The following LRATD1 variants were observed in gnomAD, a reference collection of about 807,000 sequenced individuals.
LRATD1 encodes protein LRATD1.
A neutral mutation model predicts 21.3 loss-of-function variants in LRATD1; 8 were observed. The ratio of observed to expected loss-of-function variants is 0.38; its 90% CI spans 0.22 to 0.68. The LOEUF is 0.68. LRATD1 is among the 30% of genes least tolerant of loss of function. The pLI is 0.54. For missense variants in LRATD1, 380 were observed against 404.0 expected, an observed-to-expected ratio of 0.94 and a Z score of 0.51; for synonymous variants, 210 against 186.2, an observed-to-expected ratio of 1.13 and a Z score of -1.04.
chr2:14,642,525 C>T (rs1254527328), downstream of LRATD1, among the ~76,000 whole-genome samples: 1 of 152,024 alleles, frequency 6.6e-6, no homozygotes, highest in Non-Finnish European at 1.5e-5. Flanking sequence ...GTAGACTGCC[C>T]GAGATGTTCA....
rs1671607756 is a variant in LRATD1, at chr2:14,633,807, T to C, written c.-36-137T>C. ...GTACCCCTGGGGAGGCACGGAGGACTCGGCTGGAAAGGGTGACTCCGGTGA... is the reference window on the plus strand; with the variant it reads ...GTACCCCTGGGGAGGCACGGAGGACCCGGCTGGAAAGGGTGACTCCGGTGA... On this transcript the variant is annotated intron_variant, in intron 1 of 1. Coordinates refer to ENST00000295092, the MANE Select transcript of LRATD1 (RefSeq NM_145175.4). The surrounding 1 kb of genome is among the most constrained non-coding windows in gnomAD (Gnocchi z 7.5). The C allele has an allele frequency of 4.0e-5, 35 of 868,286 alleles. No homozygotes were observed. The highest frequency in any genetic ancestry group is 6.1e-5 in the Non-Finnish European group (35 of 574,450). 53.8% of individuals were successfully genotyped at this position (868,286 alleles called of 1,614,324 possible). A position where few individuals can be genotyped will look rare whatever the true frequency, so the allele number is the denominator to read the frequency against.
chr2:14,633,828 G>A lies in LRATD1; in HGVS notation c.-36-116G>A, dbSNP rs1168856791. 2.1e-5 allele frequency: 22 copies of A among 1,048,998 alleles called. No individual in the cohort carries two copies. Among genetic ancestry groups the A allele is most frequent in the Non-Finnish European group, 2.7e-5 (20 of 733,922 alleles). The allele number at this position is 1,048,998 out of a possible 1,614,324, so 65.0% of individuals were successfully genotyped here. On this transcript the variant is annotated intron_variant, in intron 1 of 1. Transcript: ENST00000295092. This position sits in a 1 kb window ranked among gnomAD's most constrained non-coding sequence, Gnocchi z 7.5. Reference sequence around the variant, plus strand: ...GGACTCGGCTGGAAAGGGTGACTCCGGTGAGGGCACGTAAGCTAGCCGGCA... The same window carrying A: ...GGACTCGGCTGGAAAGGGTGACTCCAGTGAGGGCACGTAAGCTAGCCGGCA...
chr2:14,643,835 A>G (rs1338098958), downstream of LRATD1, among the ~76,000 whole-genome samples: 3 of 152,176 alleles, frequency 2.0e-5, no homozygotes. Context: ...AACTATGTCA[A>G]ACATAGTCTG....
chr2:14,645,606 A>G (rs1374828201), intron 2 of LRATD1, among the ~76,000 whole-genome samples: 1 of 152,196 alleles, frequency 6.6e-6, no homozygotes. Context: ...ATAGGATTAC[A>G]TCTGGAATTT....
downstream of LRATD1, among the ~76,000 whole-genome samples, chr2:14,640,245 T>C (rs1336194972): frequency 6.6e-6 from 1 of 152,236 alleles, no homozygotes; most frequent in Non-Finnish European, 1.5e-5. Flanking sequence ...ATAGATTTAC[T>C]AGATGTACAC....
chr2:14,648,703 C>T (rs767259084), intron 4 of LRATD1, among the ~76,000 whole-genome samples: 19 of 152,094 alleles, frequency 1.2e-4, no homozygotes, highest in Non-Finnish European at 2.6e-4. Context: ...AAAGAGTCTC[C>T]GGGATCCCAC....
At chr2:14,645,081 A>G (rs1194832085) in intron 2 of LRATD1, among the ~76,000 whole-genome samples, 1 of 152,184 alleles carries the variant, frequency 6.6e-6, no homozygotes, top group Non-Finnish European at 1.5e-5. Context: ...GTTAACTTTG[A>G]CAGTATTCTT....
At chr2:14,649,522 C>G (rs958063537) in intron 5 of LRATD1, 1 of 376,718 alleles carries the variant, frequency 2.7e-6, no homozygotes, top group African/African-American at 2.1e-5. Context: ...CCCACCCAAG[C>G]TTTCTCTTGC....
downstream of LRATD1, chr2:14,650,760 T>G (rs989524642): frequency 6.6e-6 from 1 of 152,210 alleles, no homozygotes; most frequent in African/African-American, 2.4e-5. Context: ...AATATTTGCA[T>G]TGTTTACATT....
chr2:14,646,707 A>G (rs1005197267), intron 4 of LRATD1, among the ~76,000 whole-genome samples: 11 of 152,184 alleles, frequency 7.2e-5, no homozygotes, highest in South Asian at 4.1e-4. Context: ...GCCAGGCCTA[A>G]CAGCAGGGTA....
downstream of LRATD1, among the ~76,000 whole-genome samples, chr2:14,641,090 A>G (rs1357226118): frequency 6.6e-6 from 1 of 152,194 alleles, no homozygotes; most frequent in Non-Finnish European, 1.5e-5. Context: ...GTGCATGTCC[A>G]GTATATTATC....
In LRATD1 at chr2:14,639,377, G is replaced by C. The variant is rs911462879; in HGVS notation, c.*4519G>C. ...TTAGGAAGTAACTGAAAAATAAGAA[G>C]CAAGATAAAGTGGGGAGGCTATGAG... On this transcript the variant is annotated 3_prime_UTR_variant, in exon 2 of 2. Transcript: ENST00000295092. 6.0e-6 allele frequency: 1 copy of C among 166,872 alleles called. No homozygotes were observed. Among genetic ancestry groups the C allele is most frequent in the Non-Finnish European group, 1.5e-5 (1 of 68,080 alleles). The allele number at this position is 166,872 out of a possible 1,614,324, so 10.3% of individuals were successfully genotyped here. A position where few individuals can be genotyped will look rare whatever the true frequency, so the allele number is the denominator to read the frequency against.
downstream of LRATD1, chr2:14,650,147 A>C (rs1671980600): frequency 6.6e-6 from 1 of 152,212 alleles, no homozygotes; most frequent in Admixed American, 6.5e-5. Context: ...AGTTGTCTGA[A>C]CCAGTTTCTT....
Position 14,634,350 on chromosome 2 carries a change from A to C in LRATD1, c.371A>C (p.Asp124Ala). The change falls in exon 2 of 2, where the codon GAC becomes GCC. Residue 124 changes from aspartate to alanine, a missense_variant. By Grantham distance (126) the Asp-to-Ala change is moderately radical. Coordinates refer to ENST00000295092, the MANE Select transcript of LRATD1 (RefSeq NM_145175.4). ...TALPALCEPG[D>A]LLELLWLQPA... ...CTGCCAGCGCTCTGCGAACCCGGCG[A>C]CCTGCTGGAGCTGCTGTGGCTGCAG... 6.3e-7 allele frequency: 1 copy of C among 1,582,574 alleles called. No homozygotes were observed. Among genetic ancestry groups the C allele is most frequent in the Non-Finnish European group, 8.6e-7 (1 of 1,167,476 alleles).
Position 14,635,373 on chromosome 2 carries a change from G to T in LRATD1, c.*515G>T, listed in dbSNP as rs1260756647. 1 of 473,678 alleles carries T rather than the reference G, an allele frequency of 2.1e-6. No homozygotes were observed. The highest frequency in any genetic ancestry group is 1.5e-5 in the South Asian group (1 of 64,596). The allele number at this position is 473,678 out of a possible 1,614,324, so 29.3% of individuals were successfully genotyped here. On this transcript the variant is annotated 3_prime_UTR_variant, in exon 2 of 2. Transcript: ENST00000295092. Reference sequence around the variant, plus strand: ...GATCGCAGGATTTCCAAGAAATCGAGCCTGTCCCTTGTGCACTTGGGAATA... The same window carrying T: ...GATCGCAGGATTTCCAAGAAATCGATCCTGTCCCTTGTGCACTTGGGAATA...
At position 14,635,553 on chromosome 2, in the gene LRATD1, C is replaced by A; in HGVS notation, c.*695C>A. The A allele has an allele frequency of 2.1e-6, 1 of 471,096 alleles. No individual in the cohort carries two copies. The highest frequency in any genetic ancestry group is 1.5e-5 in the South Asian group (1 of 64,570). The allele number at this position is 471,096 out of a possible 1,614,324, so 29.2% of individuals were successfully genotyped here. A position where few individuals can be genotyped will look rare whatever the true frequency, so the allele number is the denominator to read the frequency against. On this transcript the variant is annotated 3_prime_UTR_variant, in exon 2 of 2. Coordinates refer to ENST00000295092, the MANE Select transcript of LRATD1 (RefSeq NM_145175.4). ...GGTTCTTTCCACCGTGGGAAGCGAACGCCACCCCCACCCGCCTTTGCCTGC... is the reference window on the plus strand; with the variant it reads ...GGTTCTTTCCACCGTGGGAAGCGAAAGCCACCCCCACCCGCCTTTGCCTGC...
chr2:14,649,879 C>G (rs1671972831), downstream of LRATD1: 1 of 154,150 alleles, frequency 6.5e-6, no homozygotes, highest in Admixed American at 6.4e-5. Flanking sequence ...AAAGCCCTCA[C>G]AAATGGGATT....
At position 14,636,060 on chromosome 2, in the gene LRATD1, G is replaced by A. The variant is rs1387987182; in HGVS notation, c.*1202G>A. On this transcript the variant is annotated 3_prime_UTR_variant, in exon 2 of 2. Transcript: ENST00000295092. Reference sequence around the variant, plus strand: ...ATTTTCATGGCTTTAATCCATGATAGTTTAAATACTGGGGGCCATTAAGAG... The same window carrying A: ...ATTTTCATGGCTTTAATCCATGATAATTTAAATACTGGGGGCCATTAAGAG... 5.1e-6 allele frequency: 1 copy of A among 197,596 alleles called. No homozygotes were observed. The highest frequency in any genetic ancestry group is 1.2e-5 in the Non-Finnish European group (1 of 85,000). 12.2% of individuals were successfully genotyped at this position (197,596 alleles called of 1,614,324 possible).
At position 14,637,409 on chromosome 2, in the gene LRATD1, T is replaced by C. The variant is rs937898506; in HGVS notation, c.*2551T>C. The C allele has an allele frequency of 6.0e-6, 1 of 167,048 alleles. No individual in the cohort carries two copies. Among genetic ancestry groups the C allele is most frequent in the Non-Finnish European group, 1.5e-5 (1 of 68,116 alleles). 10.3% of individuals were successfully genotyped at this position (167,048 alleles called of 1,614,324 possible). On this transcript the variant is annotated 3_prime_UTR_variant, in exon 2 of 2. Transcript: ENST00000295092. ...CTCATAGAGGAATGTCTTGTCAGTT[T>C]TATACTTGCTGAGGCTAGACTGACA... is the stretch of plus-strand genomic sequence containing the variant.
Sources: allele counts gnomAD v4.1 joint callset (sites outside exome capture counted in the v4.1 genomes callset), GRCh38; gene constraint gnomAD v4.1.1; non-coding constraint Gnocchi (gnomAD v3.1); transcripts MANE v1.5; gene names NCBI Gene and HGNC (gene_info 2026-07-23, HGNC 2026-07-21).